ANKRD55: variants seen among roughly 807,000 people sequenced by gnomAD.
ANKRD55 encodes ankyrin repeat domain 55, also known as ankyrin repeat domain-containing protein 55.
In ANKRD55, 41 loss-of-function variants were observed where a neutral mutation model predicts 60.6. The observed-to-expected ratio is 0.68, with a 90% CI of 0.53 to 0.88. The LOEUF (loss-of-function observed/expected upper bound fraction) is 0.88, where lower values mean the gene tolerates loss of function less well. ANKRD55 is among the 40% of genes least tolerant of loss of function. The probability of loss-of-function intolerance (pLI) is 0.00; values close to 1 mark genes in which losing one functional copy is unlikely to be tolerated. For missense variants in ANKRD55, 732 were observed against 767.6 expected, an observed-to-expected ratio of 0.95 and a Z score of 0.55; for synonymous variants, 264 against 290.3, an observed-to-expected ratio of 0.91 and a Z score of 0.92.
intron 6 of ANKRD55, among the ~76,000 whole-genome samples, chr5:56,159,621 C>G (rs1455249497): frequency 6.6e-6 from 1 of 152,188 alleles, no homozygotes; most frequent in African/African-American, 2.4e-5. Flanking sequence ...GCAATAAAGT[C>G]CTTCCCTATC....
chr5:56,110,058 A>G (rs1204629969), intron 10 of ANKRD55, among the ~76,000 whole-genome samples: 1 of 147,524 alleles, frequency 6.8e-6, no homozygotes, highest in African/African-American at 2.5e-5. Context: ...CTCAAAAAAA[A>G]AAAAATCTTT....
At chr5:56,203,748 G>T (rs1171269866) in intron 2 of ANKRD55, among the ~76,000 whole-genome samples, 1 of 152,126 alleles carries the variant, frequency 6.6e-6, no homozygotes, top group Non-Finnish European at 1.5e-5. Flanking sequence ...TTGGACCTTT[G>T]GGTTGGTTCC....
In ANKRD55 at chr5:56,111,258, T is replaced by C. The variant is rs767168469; in HGVS notation, c.1490A>G (p.Asp497Gly). ...TTTGTAGGAAAATACCTGATTAGAATCACTCTTCCAGGGGTTATCTAGTAA... is the reference window on the plus strand; with the variant it reads ...TTTGTAGGAAAATACCTGATTAGAACCACTCTTCCAGGGGTTATCTAGTAA... ...QMLLDNPWKSDSNQVFSYKVW... is the reference protein window; with the variant it reads ...QMLLDNPWKSGSNQVFSYKVW... Residue 497 changes from aspartate (D) to glycine (G), a missense_variant, in exon 10 of 12, where the codon GAT becomes GGT. Physicochemically the swap from Asp to Gly is moderately conservative, Grantham distance 94. Transcript: ENST00000341048. 6.2e-7 allele frequency: 1 copy of C among 1,613,808 alleles called. No homozygotes were observed. The highest frequency in any genetic ancestry group is 8.5e-7 in the Non-Finnish European group (1 of 1,179,674).
intron 10 of ANKRD55, among the ~76,000 whole-genome samples, chr5:56,108,852 C>T (rs1207394085): frequency 6.6e-6 from 1 of 152,198 alleles, no homozygotes; most frequent in East Asian, 1.9e-4. Flanking sequence ...GCCTGGCCAA[C>T]ATAGTGAAAC....
In ANKRD55 at chr5:56,111,555, C is replaced by G; in HGVS notation, c.1193G>C (p.Gly398Ala). The G allele has an allele frequency of 6.2e-7, 1 of 1,612,734 alleles. No homozygotes were observed. Residue 398 changes from glycine (G) to alanine (A), a missense_variant, in exon 10 of 12, where the codon GGT (glycine) becomes GCT (alanine). Physicochemically the swap from Gly to Ala is moderately conservative, Grantham distance 60. Around this residue, in one of 3 missense-constraint regions of ANKRD55, gnomAD observed 597 missense variants for 607.5 expected, o/e 0.98. Coordinates refer to ENST00000341048, the MANE Select transcript of ANKRD55 (RefSeq NM_024669.3). ...IVGTNCQEQPGDQVAMVEFKK... is the reference protein window; with the variant it reads ...IVGTNCQEQPADQVAMVEFKK... ...AAATTCAACCATAGCCACCTGATCACCAGGCTGTTCTTGGCAGTTGGTACC... is the reference window on the plus strand; with the variant it reads ...AAATTCAACCATAGCCACCTGATCAGCAGGCTGTTCTTGGCAGTTGGTACC...
At chr5:56,196,017 A>G (rs1759220048) in intron 2 of ANKRD55, among the ~76,000 whole-genome samples, 1 of 152,240 alleles carries the variant, frequency 6.6e-6, no homozygotes. Flanking sequence ...TACTATAAAT[A>G]TCCAAAAACC....
intron 2 of ANKRD55, chr5:56,193,153 A>T: frequency 1.5e-6 from 1 of 686,714 alleles, no homozygotes; most frequent in Non-Finnish European, 2.4e-6. Context: ...AGCCCTTTGT[A>T]AAACAGGGCT....
At chr5:56,224,950 A>C (rs1287392283) in intron 2 of ANKRD55, among the ~76,000 whole-genome samples, 1 of 152,218 alleles carries the variant, frequency 6.6e-6, no homozygotes, top group Non-Finnish European at 1.5e-5. Context: ...TTCAATCAAC[A>C]GAAAAAGAGG....
chr5:56,178,419 G>C (rs1039064199), intron 3 of ANKRD55, among the ~76,000 whole-genome samples: 3 of 151,176 alleles, frequency 2.0e-5, no homozygotes, highest in Non-Finnish European at 4.4e-5. Flanking sequence ...AGGGAGGAAT[G>C]ACAGATTTAT....
intron 8 of ANKRD55, among the ~76,000 whole-genome samples, chr5:56,123,993 G>A (rs1757158994): frequency 1.3e-5 from 2 of 152,156 alleles, no homozygotes; most frequent in Non-Finnish European, 2.9e-5. Flanking sequence ...CGGATGTGGT[G>A]GCCGCTGAAT....
chr5:56,173,541 CCTCTCTCTCTCTCTCTCTCTCTCT>C (rs71578616), intron 4 of ANKRD55, among the ~76,000 whole-genome samples: 68 of 61,538 alleles, frequency 1.1e-3, no homozygotes, highest in African/African-American at 3.9e-3. Context: ...TAGAGATTCG[CCTCTCTCTCTCTCTCTCTCTCTCT>C]CTCTCTCTCT....
At chr5:56,127,215 G>A (rs568418393) in intron 7 of ANKRD55, 109 bp from the exon 8 acceptor site, 35 of 1,296,120 alleles carry the variant, frequency 2.7e-5, no homozygotes, top group Middle Eastern at 2.4e-4. Context: ...AAGAAAGAAA[G>A]AAAAAAGATG....
intron 5 of ANKRD55, among the ~76,000 whole-genome samples, chr5:56,163,069 T>C (rs992310707): frequency 1.3e-5 from 2 of 152,190 alleles, no homozygotes; most frequent in African/African-American, 4.8e-5. Context: ...TATGTGATGA[T>C]CTATGTGGCC....
intron 10 of ANKRD55, among the ~76,000 whole-genome samples, chr5:56,103,151 C>G (rs547303389): frequency 1.3e-5 from 2 of 152,150 alleles, no homozygotes; most frequent in East Asian, 3.8e-4. Flanking sequence ...ACCTGGAAGA[C>G]GGAATGGGGT....
At chr5:56,226,543 A>C (rs1760113812) in intron 2 of ANKRD55, among the ~76,000 whole-genome samples, 1 of 152,252 alleles carries the variant, frequency 6.6e-6, no homozygotes, top group Non-Finnish European at 1.5e-5. Flanking sequence ...CATCAGAGTG[A>C]ACAGGCAACC....
At chr5:56,168,868 T>G (rs572366352) in intron 5 of ANKRD55, among the ~76,000 whole-genome samples, 3 of 152,312 alleles carry the variant, frequency 2.0e-5, no homozygotes, top group African/African-American at 7.2e-5. Flanking sequence ...AAACTTTTTG[T>G]TTTTTTGAGA....
intron 2 of ANKRD55, among the ~76,000 whole-genome samples, chr5:56,191,561 A>G (rs1452581847): frequency 6.6e-6 from 1 of 152,214 alleles, no homozygotes; most frequent in East Asian, 1.9e-4. Flanking sequence ...AGTGGGTGAG[A>G]GTGACAGAGA....
At chr5:56,183,831 C>T (rs1285809956) in intron 2 of ANKRD55, among the ~76,000 whole-genome samples, 197 bp from the exon 3 acceptor site, 3 of 152,164 alleles carry the variant, frequency 2.0e-5, no homozygotes, top group South Asian at 2.1e-4. Flanking sequence ...TTTGTAACAC[C>T]GCCGTGTATT....
intron 3 of ANKRD55, among the ~76,000 whole-genome samples, chr5:56,183,128 C>T (rs12658737): frequency 0.14 from 20,574 of 152,114 alleles, 2,565 homozygotes; most frequent in African/African-American, 0.32. Context: ...TTTATGTTTA[C>T]ATATAACGTC....
Sources: allele counts gnomAD v4.1 joint callset (sites outside exome capture counted in the v4.1 genomes callset), GRCh38; gene constraint gnomAD v4.1.1; regional missense constraint gnomAD v4.1.1; transcripts MANE v1.5; gene names NCBI Gene and HGNC (gene_info 2026-07-23, HGNC 2026-07-21).